FGF12: variants seen among roughly 807,000 people sequenced by gnomAD.
FGF12 encodes fibroblast growth factor 12.
Under a neutral mutation model 23.6 loss-of-function variants are expected in FGF12, and 14 were observed. The observed-to-expected ratio is 0.59, with a 90% CI of 0.39 to 0.93. The LOEUF (loss-of-function observed/expected upper bound fraction) is 0.93, where lower values mean the gene tolerates loss of function less well. Among genes scored for constraint, FGF12 ranks in the 40% least tolerant of loss-of-function variants. The pLI is 0.00. For missense variants in FGF12, 175 were observed against 217.8 expected, an observed-to-expected ratio of 0.80 and a Z score of 1.24; for synonymous variants, 62 against 77.3, an observed-to-expected ratio of 0.80 and a Z score of 1.04.
intron 2 of FGF12, among the ~76,000 whole-genome samples, chr3:192,448,489 A>G (rs547842480): frequency 1.3e-5 from 2 of 152,324 alleles, no homozygotes; most frequent in East Asian, 1.9e-4. Context: ...GTAACAATAT[A>G]CCAGAACTGT....
intron 2 of FGF12, among the ~76,000 whole-genome samples, chr3:192,563,640 A>T (rs769510440): frequency 6.6e-5 from 10 of 152,252 alleles, no homozygotes; most frequent in Admixed American, 1.3e-4. Context: ...GCAAAGATGT[A>T]TCATTAGTGT....
chr3:192,341,885 T>C (rs1030039082), intron 3 of FGF12, among the ~76,000 whole-genome samples: 11 of 106,098 alleles, frequency 1.0e-4, no homozygotes, highest in African/African-American at 3.3e-4. Flanking sequence ...ATTGAGAAAA[T>C]GTAAAGCACC....
At chr3:192,406,541 T>G (rs1032229867) in intron 2 of FGF12, among the ~76,000 whole-genome samples, 1 of 152,154 alleles carries the variant, frequency 6.6e-6, no homozygotes, top group Non-Finnish European at 1.5e-5. Flanking sequence ...TAGAGGTAAT[T>G]CAAACTATTG....
At position 192,713,810 on chromosome 3, in the gene FGF12, C is replaced by T. The variant is rs77853286; in HGVS notation, c.13+13371G>A. 7.8e-3 allele frequency among the ~76,000 whole-genome samples: 1,194 copies of T among 152,246 alleles called. 15 individuals are homozygous for T. The highest frequency in any genetic ancestry group is 0.026 in the African/African-American group (1,076 of 41,550). On this transcript the variant is annotated intron_variant, in intron 2 of 5. Transcript: ENST00000445105. Reference sequence around the variant, plus strand: ...CTTTCTAGACTTCAACCATTGATCACGATGATGCAGTTTGGTATGATGTGT... The same window carrying T: ...CTTTCTAGACTTCAACCATTGATCATGATGATGCAGTTTGGTATGATGTGT...
At chr3:192,340,031 A>G (rs1277329109) in intron 3 of FGF12, among the ~76,000 whole-genome samples, 1 of 152,150 alleles carries the variant, frequency 6.6e-6, no homozygotes, top group African/African-American at 2.4e-5. Flanking sequence ...TCTACAACAT[A>G]CATTTGTGCT....
intron 2 of FGF12, among the ~76,000 whole-genome samples, chr3:192,588,274 C>T (rs546951460): frequency 2.9e-5 from 4 of 137,766 alleles, no homozygotes; most frequent in South Asian, 4.8e-4. Context: ...GGCGTGAACC[C>T]GGGAGGCGGA....
At position 192,221,028 on chromosome 3, in the gene FGF12, A is replaced by C. The variant is rs73064517; in HGVS notation, c.229-50372T>G. Among the ~76,000 whole-genome samples the C allele has an allele frequency of 1.3e-3, 201 of 152,256 alleles. 2 individuals are homozygous for C. The highest frequency in any genetic ancestry group is 4.6e-3 in the African/African-American group (192 of 41,550). On this transcript the variant is annotated intron_variant, in intron 4 of 5. Transcript: ENST00000445105. ...AGAGGTGAGTTAATGTATTTGTGTG[A>C]CTCCATGAGAGGATGGTTTAAAGGG...
intron 4 of FGF12, among the ~76,000 whole-genome samples, chr3:192,272,184 C>T (rs1319981689): frequency 6.6e-6 from 1 of 151,998 alleles, no homozygotes; most frequent in East Asian, 1.9e-4. Flanking sequence ...GAGACAAATC[C>T]AAATTTTTTT....
intron 4 of FGF12, among the ~76,000 whole-genome samples, chr3:192,209,203 A>C (rs1717804639): frequency 6.6e-6 from 1 of 152,164 alleles, no homozygotes; most frequent in Non-Finnish European, 1.5e-5. Flanking sequence ...TTTCTCCCCT[A>C]CTTCTTCCAG....
At chr3:192,495,746 A>C (rs1193402449) in intron 2 of FGF12, among the ~76,000 whole-genome samples, 1 of 152,128 alleles carries the variant, frequency 6.6e-6, no homozygotes, top group Non-Finnish European at 1.5e-5. Context: ...GGCTCACTGA[A>C]GCCTTGACCT....
intron 2 of FGF12, among the ~76,000 whole-genome samples, chr3:192,643,216 T>G (rs1006064378): frequency 1.3e-5 from 2 of 152,140 alleles, no homozygotes; most frequent in South Asian, 4.1e-4. Flanking sequence ...ATAGATAAAT[T>G]TAGAATATAT....
At chr3:192,165,981 T>C (rs1388165730) in intron 5 of FGF12, among the ~76,000 whole-genome samples, 3 of 152,158 alleles carry the variant, frequency 2.0e-5, no homozygotes, top group African/African-American at 7.2e-5. Flanking sequence ...AGAGATAACA[T>C]ACGCAACCTG....
intron 2 of FGF12, among the ~76,000 whole-genome samples, chr3:192,392,758 C>G (rs1428439884): frequency 6.6e-6 from 1 of 152,108 alleles, no homozygotes; most frequent in Non-Finnish European, 1.5e-5. Flanking sequence ...GTTTTTTTCT[C>G]TATTGACCCA....
At chr3:192,523,374 T>A (rs886676539) in intron 2 of FGF12, among the ~76,000 whole-genome samples, 1 of 152,240 alleles carries the variant, frequency 6.6e-6, no homozygotes, top group Non-Finnish European at 1.5e-5. Context: ...GAGGTGCTAC[T>A]CTTATTTTAC....
intron 2 of FGF12, among the ~76,000 whole-genome samples, chr3:192,519,197 G>A: frequency 6.6e-6 from 1 of 152,158 alleles, no homozygotes. Context: ...TCCTTTTTCT[G>A]TACCAGATCC....
chr3:192,690,713 C>T, intron 2 of FGF12, among the ~76,000 whole-genome samples: 1 of 151,578 alleles, frequency 6.6e-6, no homozygotes, highest in East Asian at 1.9e-4. Context: ...TCAATAATTA[C>T]TTTAAATGTA....
chr3:192,213,692 C>T (rs560960719), intron 4 of FGF12, among the ~76,000 whole-genome samples: 33 of 152,294 alleles, frequency 2.2e-4, no homozygotes, highest in Non-Finnish European at 4.1e-4. Flanking sequence ...AGTTTATCCT[C>T]CAGAGAGTTG....
chr3:192,207,389 A>AGAT (rs1184711216), intron 4 of FGF12, among the ~76,000 whole-genome samples: 8 of 152,248 alleles, frequency 5.3e-5, no homozygotes, highest in African/African-American at 1.9e-4. Flanking sequence ...ATAAAGAGGC[A>AGAT]GATGACTAAC....
At chr3:192,630,118 A>G (rs1715327477) in intron 2 of FGF12, among the ~76,000 whole-genome samples, 1 of 151,962 alleles carries the variant, frequency 6.6e-6, no homozygotes, top group Admixed American at 6.6e-5. Context: ...TGCTTATTTA[A>G]AAGTGTGGGG....
Sources: gnomAD v4.1 joint callset for allele counts (sites outside exome capture counted in the v4.1 genomes callset) on GRCh38, gnomAD v4.1.1 for gene constraint, MANE v1.5 for transcripts, NCBI Gene and HGNC (gene_info 2026-07-23, HGNC 2026-07-21) for gene names.